NGEF: variants seen among roughly 807,000 people sequenced by gnomAD.
NGEF encodes neuronal guanine nucleotide exchange factor.
In NGEF, 31 loss-of-function variants were observed where a neutral mutation model predicts 80.9. The observed-to-expected ratio is 0.38, with a 90% CI of 0.29 to 0.52. The LOEUF is 0.52. Ranked by LOEUF, NGEF falls within the 20% of genes least tolerant of loss-of-function variation. NGEF has a pLI of 0.84. For synonymous variants in NGEF, 371 were observed against 370.2 expected (o/e 1.00, Z -0.03); for missense variants, 709 against 926.2 (o/e 0.77, Z 3.04).
intron 3 of NGEF, among the ~76,000 whole-genome samples, chr2:232,950,739 G>A (rs1693660656): frequency 6.6e-6 from 1 of 152,140 alleles, no homozygotes; most frequent in African/African-American, 2.4e-5. Flanking sequence ...GTGACTTCAG[G>A]TCACTTCCAG....
chr2:232,969,927 G>C (rs1694150648), intron 3 of NGEF: 1 of 193,796 alleles, frequency 5.2e-6, no homozygotes, highest in Non-Finnish European at 1.0e-5. Flanking sequence ...CTCTTTGGGA[G>C]GCTGAGGCTG....
Position 232,892,282 on chromosome 2 carries a change from C to T in NGEF, c.1142+616G>A, listed in dbSNP as rs117315490. Among the ~76,000 whole-genome samples the T allele has an allele frequency of 8.5e-5, 13 of 152,286 alleles. No homozygotes were observed. Among genetic ancestry groups the T allele is most frequent in the South Asian group, 2.1e-4 (1 of 4,826 alleles). On this transcript the variant is annotated intron_variant, in intron 7 of 14. Coordinates refer to ENST00000264051, the MANE Select transcript of NGEF (RefSeq NM_019850.3). This position sits in a 1 kb window ranked among gnomAD's most constrained non-coding sequence, Gnocchi z 4.0. ...AAGCCAGTGAGGCGCAATGTGCAGA[C>T]GCCACAACTGGAAAACTCCCTGGGT...
At chr2:232,948,246 C>T (rs899774239) in intron 3 of NGEF, among the ~76,000 whole-genome samples, 2 of 151,618 alleles carry the variant, frequency 1.3e-5, no homozygotes, top group East Asian at 1.9e-4. Flanking sequence ...TGGAGTGCAG[C>T]GCGAAATGTT....
intron 6 of NGEF, 36 bp from the exon 7 acceptor site, chr2:232,893,086 G>A (rs766441949): frequency 2.8e-5 from 44 of 1,591,754 alleles, no homozygotes; most frequent in East Asian, 1.8e-4. Context: ...GAGGGTGCCC[G>A]GGGGGTAGGG....
At chr2:232,949,174 A>G (rs1019161444) in intron 3 of NGEF, among the ~76,000 whole-genome samples, 1 of 152,230 alleles carries the variant, frequency 6.6e-6, no homozygotes, top group Non-Finnish European at 1.5e-5. Context: ...CTGCGGAGCC[A>G]GGACCTGCCT....
chr2:232,928,011 C>T (rs1190667747), intron 3 of NGEF: 25 of 907,630 alleles, frequency 2.8e-5, no homozygotes, highest in Admixed American at 5.9e-5. Flanking sequence ...GGGTCGGCGG[C>T]GGGGCGGGTG....
At chr2:232,946,981 G>A (rs1693573202) in intron 3 of NGEF, among the ~76,000 whole-genome samples, 1 of 152,172 alleles carries the variant, frequency 6.6e-6, no homozygotes, top group Non-Finnish European at 1.5e-5. Context: ...ATGTAAGTAT[G>A]AGGAGTGCTA....
Position 232,996,041 on chromosome 2 carries a change from C to G in NGEF, c.-75+17027G>C, listed in dbSNP as rs143066359. Among the ~76,000 whole-genome samples, 384 of 152,104 alleles carry G rather than the reference C, an allele frequency of 2.5e-3. 3 individuals carry two copies. Among genetic ancestry groups the G allele is most frequent in the African/African-American group, 8.1e-3 (334 of 41,486 alleles). ...AGACTCTAGTGTGGATGGGCTCAAACTTCCCTAAGCTTCCTGGCAGTCAAC... is the reference window on the plus strand; with the variant it reads ...AGACTCTAGTGTGGATGGGCTCAAAGTTCCCTAAGCTTCCTGGCAGTCAAC... On this transcript the variant is annotated intron_variant, in intron 1 of 14. Transcript: ENST00000264051.
intron 2 of NGEF, 28 bp from the exon 3 acceptor site, chr2:232,970,356 T>C (rs1694160885): frequency 1.4e-6 from 2 of 1,436,290 alleles, no homozygotes; most frequent in African/African-American, 1.4e-5. Context: ...TGGAGCAAGT[T>C]AGAAGATACA....
intron 3 of NGEF, among the ~76,000 whole-genome samples, chr2:232,943,823 A>G (rs1197365883): frequency 6.6e-6 from 1 of 151,898 alleles, no homozygotes; most frequent in Non-Finnish European, 1.5e-5. Flanking sequence ...CAAGGTTGAA[A>G]TCTCTTGTGA....
rs1320346701 is a variant in NGEF, at chr2:232,900,578, GCT to G, written c.829-5664_829-5663del. Among the ~76,000 whole-genome samples the G allele has an allele frequency of 3.2e-3, 202 of 62,534 alleles. 32 individuals carry two copies. Among genetic ancestry groups the G allele is most frequent in the Admixed American group, 5.0e-3 (28 of 5,572 alleles). 41.0% of individuals were successfully genotyped at this position (62,534 alleles called of 152,430 possible). ...TTCACTCACATTCACTCACACACAC[GCT>G]CTCACAGTCACTCATATACACGTTC... On this transcript the variant is annotated intron_variant, in intron 5 of 14. Transcript: ENST00000264051.
chr2:232,896,051 T>TACTCCTCC (rs3038710), intron 5 of NGEF, among the ~76,000 whole-genome samples: 1 of 151,162 alleles, frequency 6.6e-6, no homozygotes, highest in Non-Finnish European at 1.5e-5. Context: ...CACCCTCTGA[T>TACTCCTCC]ACTTAGGGCG....
intron 3 of NGEF, among the ~76,000 whole-genome samples, chr2:232,943,192 A>G (rs1399640736): frequency 1.3e-5 from 2 of 152,014 alleles, no homozygotes; most frequent in Non-Finnish European, 2.9e-5. Flanking sequence ...TCTCAGAGGA[A>G]AGTCTTGCCA....
rs545663879 is a variant in NGEF at position 232,990,817 on chromosome 2, A to T, written c.-74-15853T>A. On this transcript the variant is annotated intron_variant, in intron 1 of 14. Coordinates refer to ENST00000264051, the MANE Select transcript of NGEF (RefSeq NM_019850.3). Reference sequence around the variant, plus strand: ...AGTCCAACATCTCTTATTAATAGAGAAGAAAATGTCCTCAACAAAATACTA... The same window carrying T: ...AGTCCAACATCTCTTATTAATAGAGTAGAAAATGTCCTCAACAAAATACTA... Among the ~76,000 whole-genome samples the T allele has an allele frequency of 5.9e-5, 9 of 152,262 alleles. No individual in the cohort carries two copies. In the South Asian group the frequency reaches 1.9e-3, roughly 31 times the overall value.
chr2:232,885,379 G>T lies in NGEF; in HGVS notation c.1348-10C>A. The T allele has an allele frequency of 1.2e-6, 2 of 1,612,990 alleles. No homozygotes were observed. The highest frequency in any genetic ancestry group is 1.7e-6 in the Non-Finnish European group (2 of 1,179,050). ...TGCATGCCTTCACCACCTGGGACAA[G>T]AAGGAGGGCACATCAGGCCACCAAA... On this transcript the variant is annotated splice_polypyrimidine_tract_variant and intron_variant, in intron 9 of 14. Transcript: ENST00000264051.
chr2:233,007,245 A>G (rs1208040362), intron 1 of NGEF, among the ~76,000 whole-genome samples: 2 of 152,158 alleles, frequency 1.3e-5, no homozygotes, highest in Non-Finnish European at 2.9e-5. Context: ...CCCTGTCTCA[A>G]ATAAATAAAT....
At chr2:232,951,898 T>C (rs1693686577) in intron 3 of NGEF, among the ~76,000 whole-genome samples, 2 of 152,154 alleles carry the variant, frequency 1.3e-5, no homozygotes, top group Admixed American at 1.3e-4. Context: ...TTATAGCATT[T>C]CTTAACATAA....
intron 1 of NGEF, among the ~76,000 whole-genome samples, chr2:233,008,150 C>G (rs1351475471): frequency 6.6e-6 from 1 of 152,172 alleles, no homozygotes. Flanking sequence ...AAATTTTTCA[C>G]CCCATTGGTG....
chr2:232,952,246 T>A (rs1479339480), intron 3 of NGEF, among the ~76,000 whole-genome samples: 3 of 152,214 alleles, frequency 2.0e-5, no homozygotes, highest in African/African-American at 7.2e-5. Flanking sequence ...AGGACAATAC[T>A]TAAGAATCAT....
Sources: allele counts gnomAD v4.1 joint callset (sites outside exome capture counted in the v4.1 genomes callset), GRCh38; gene constraint gnomAD v4.1.1; non-coding constraint Gnocchi (gnomAD v3.1); transcripts MANE v1.5; gene names NCBI Gene and HGNC (gene_info 2026-07-23, HGNC 2026-07-21).